DCC: variants seen among roughly 807,000 people sequenced by gnomAD.
DCC encodes the protein DCC netrin 1 receptor, also known as netrin receptor DCC.
A neutral mutation model predicts 172.5 loss-of-function variants in DCC; 58 were observed. The ratio of observed to expected loss-of-function variants is 0.34; its 90% CI spans 0.27 to 0.42. The LOEUF (loss-of-function observed/expected upper bound fraction) is 0.42, where lower values mean the gene tolerates loss of function less well. DCC is among the 10% of genes least tolerant of loss of function. The probability of loss-of-function intolerance (pLI) is 1.00; values close to 1 mark genes in which losing one functional copy is unlikely to be tolerated. For missense variants in DCC, 1,740 were observed against 1,791.0 expected (o/e 0.97, Z 0.51); for synonymous variants, 709 against 644.5 (o/e 1.10, Z -1.52).
chr18:53,091,028 TC>T (rs1212754254), intron 7 of DCC, among the ~76,000 whole-genome samples: 20 of 152,092 alleles, frequency 1.3e-4, no homozygotes, highest in African/African-American at 4.8e-4. Context: ...CAGCATCAGT[TC>T]CAAATGCTGA....
At chr18:52,813,419 A>T (rs2038235613) in intron 2 of DCC, among the ~76,000 whole-genome samples, 1 of 152,232 alleles carries the variant, frequency 6.6e-6, no homozygotes, top group Non-Finnish European at 1.5e-5. Flanking sequence ...GACTCTTGAC[A>T]TTCTGTATGC....
At chr18:53,522,516 C>CTA (rs1402587310) in intron 27 of DCC, among the ~76,000 whole-genome samples, 1 of 152,142 alleles carries the variant, frequency 6.6e-6, no homozygotes, top group Non-Finnish European at 1.5e-5. Flanking sequence ...TGACTGCAAA[C>CTA]TATACTACAA....
chr18:53,331,603 GA>G (rs1335760881), intron 14 of DCC, among the ~76,000 whole-genome samples: 1 of 152,158 alleles, frequency 6.6e-6, no homozygotes. Flanking sequence ...AGTATTTCAG[GA>G]AGTTGGCAGT....
At chr18:52,897,478 C>T (rs573223735) in intron 2 of DCC, among the ~76,000 whole-genome samples, 4 of 152,280 alleles carry the variant, frequency 2.6e-5, no homozygotes, top group Non-Finnish European at 5.9e-5. Context: ...AGAACCTCAA[C>T]CAATATTTGT....
chr18:53,145,076 T>TGG (rs2043885981), intron 7 of DCC, among the ~76,000 whole-genome samples: 1 of 145,070 alleles, frequency 6.9e-6, no homozygotes, highest in African/African-American at 2.5e-5. Flanking sequence ...TGGGGCCTTT[T>TGG]GGGAGGTGAT....
intron 9 of DCC, among the ~76,000 whole-genome samples, chr18:53,196,944 G>A (rs1014513929): frequency 6.6e-6 from 1 of 151,998 alleles, no homozygotes; most frequent in African/African-American, 2.4e-5. Context: ...TTCAGTCAAG[G>A]AGAGGTTTCA....
At chr18:52,875,333 C>T (rs925270354) in intron 2 of DCC, among the ~76,000 whole-genome samples, 2 of 151,900 alleles carry the variant, frequency 1.3e-5, no homozygotes, top group African/African-American at 4.8e-5. Context: ...TAATGTATTG[C>T]TGCAACCTGG....
chr18:52,469,443 C>A lies in DCC; in HGVS notation c.91+128565C>A, dbSNP rs1409680559. Reference sequence around the variant, plus strand: ...AACAGTTTATTTTAGACAATATAACCATCTTAGCCTATAGAGAGGCATTTA... The same window carrying A: ...AACAGTTTATTTTAGACAATATAACAATCTTAGCCTATAGAGAGGCATTTA... On this transcript the variant is annotated intron_variant, in intron 1 of 28. Coordinates refer to ENST00000442544, the MANE Select transcript of DCC (RefSeq NM_005215.4). Among the ~76,000 whole-genome samples the A allele has an allele frequency of 3.9e-5, 6 of 152,150 alleles. 1 individual carries two copies. The South Asian group carries it at 1.2e-3, about 32-fold the overall frequency.
At chr18:53,081,779 G>A (rs2042809342) in intron 7 of DCC, among the ~76,000 whole-genome samples, 1 of 151,998 alleles carries the variant, frequency 6.6e-6, no homozygotes, top group African/African-American at 2.4e-5. Flanking sequence ...TGTTGTGTCA[G>A]CCAATCATTC....
At chr18:53,233,063 C>T (rs937895760) in intron 12 of DCC, among the ~76,000 whole-genome samples, 2 of 151,944 alleles carry the variant, frequency 1.3e-5, no homozygotes, top group African/African-American at 4.8e-5. Flanking sequence ...TGCCTTTATA[C>T]TATCATCATT....
chr18:52,414,114 C>G (rs890739559), intron 1 of DCC, among the ~76,000 whole-genome samples: 2 of 152,052 alleles, frequency 1.3e-5, no homozygotes, highest in African/African-American at 4.8e-5. Flanking sequence ...GAGTTTAGCT[C>G]TTGTTGTCCA....
intron 1 of DCC, among the ~76,000 whole-genome samples, chr18:52,417,605 G>C (rs930632382): frequency 6.6e-6 from 1 of 151,864 alleles, no homozygotes; most frequent in South Asian, 2.1e-4. Context: ...TTCCCTTCTC[G>C]CTTTATTTCA....
chr18:52,479,501 T>A (rs1263182237), intron 1 of DCC, among the ~76,000 whole-genome samples: 258 of 152,136 alleles, frequency 1.7e-3, no homozygotes, highest in African/African-American at 6.0e-3. Context: ...ACAAAATCTG[T>A]GTACCAGTGT....
At chr18:52,553,190 A>G (rs560066915) in intron 1 of DCC, among the ~76,000 whole-genome samples, 206 of 152,176 alleles carry the variant, frequency 1.4e-3, no homozygotes, top group African/African-American at 4.7e-3. Flanking sequence ...ATGCACATGT[A>G]TGTGTATATA....
At chr18:53,144,299 C>T (rs1298858742) in intron 7 of DCC, among the ~76,000 whole-genome samples, 1 of 152,038 alleles carries the variant, frequency 6.6e-6, no homozygotes, top group African/African-American at 2.4e-5. Flanking sequence ...CTTAGAACTC[C>T]CTTCCCATTT....
chr18:52,907,140 T>G (rs371273807), intron 3 of DCC, among the ~76,000 whole-genome samples: 6 of 150,222 alleles, frequency 4.0e-5, no homozygotes, highest in Non-Finnish European at 7.4e-5. Context: ...ACACAAAATT[T>G]TAAATATATC....
chr18:52,526,758 G>T (rs927696124), intron 1 of DCC, among the ~76,000 whole-genome samples: 18 of 152,062 alleles, frequency 1.2e-4, no homozygotes, highest in African/African-American at 3.6e-4. Context: ...TGTATTTCTA[G>T]AAAAGTTGAT....
At chr18:53,098,632 G>C (rs2043120542) in intron 7 of DCC, among the ~76,000 whole-genome samples, 1 of 152,158 alleles carries the variant, frequency 6.6e-6, no homozygotes, top group African/African-American at 2.4e-5. Context: ...TTTGTCCCAT[G>C]ATTGATGGTG....
At chr18:52,889,149 C>T (rs2039612100) in intron 2 of DCC, among the ~76,000 whole-genome samples, 1 of 151,900 alleles carries the variant, frequency 6.6e-6, no homozygotes, top group African/African-American at 2.4e-5. Flanking sequence ...AGATATGGAA[C>T]TAGGAATTGG....
Sources: gnomAD v4.1 joint callset for allele counts (sites outside exome capture counted in the v4.1 genomes callset) on GRCh38, gnomAD v4.1.1 for gene constraint, MANE v1.5 for transcripts, NCBI Gene and HGNC (gene_info 2026-07-23, HGNC 2026-07-21) for gene names.